The following TPD52L1 variants were observed in gnomAD, a reference collection of about 807,000 sequenced individuals.
The protein encoded by TPD52L1 is tumor protein D53.
TPD52L1 carries 18 observed loss-of-function variants against 28.7 expected under a neutral mutation model. That is an observed-to-expected ratio of 0.63 (90% CI 0.43 to 0.93). The LOEUF is 0.93. TPD52L1 is among the 40% of genes least tolerant of loss of function. The pLI is 0.00. For missense variants in TPD52L1, 203 were observed against 254.8 expected (o/e 0.80, Z 1.39); for synonymous variants, 75 against 88.8 (o/e 0.84, Z 0.88).
intron 1 of TPD52L1, among the ~76,000 whole-genome samples, chr6:125,160,121 T>A (rs757214818): frequency 6.6e-6 from 1 of 152,138 alleles, no homozygotes; most frequent in Non-Finnish European, 1.5e-5. Flanking sequence ...CTCTTTTTCT[T>A]TACAAATTTC....
chr6:125,177,349 T>C (rs3778464), intron 1 of TPD52L1, among the ~76,000 whole-genome samples: 18,543 of 152,184 alleles, frequency 0.12, 1,272 homozygotes, highest in East Asian at 0.36. Context: ...TCCTGATTTT[T>C]CCCCTGGAAG....
chr6:125,182,201 T>A (rs1001558134), intron 1 of TPD52L1, among the ~76,000 whole-genome samples: 1 of 152,204 alleles, frequency 6.6e-6, no homozygotes, highest in Non-Finnish European at 1.5e-5. Context: ...CTGGGCATCA[T>A]ACAAACCAAT....
intron 1 of TPD52L1, chr6:125,203,666 C>A (rs1582920111): frequency 1.0e-6 from 1 of 985,398 alleles, no homozygotes; most frequent in Non-Finnish European, 1.2e-6. Context: ...GGCCACATGA[C>A]CTCAGGTCAG....
chr6:125,234,812 A>C (rs1796157011), intron 3 of TPD52L1, among the ~76,000 whole-genome samples: 1 of 152,118 alleles, frequency 6.6e-6, no homozygotes, highest in Non-Finnish European at 1.5e-5. Flanking sequence ...GCAATACATC[A>C]TTGAGTGCCA....
At chr6:125,222,733 C>T (rs953792001) in intron 2 of TPD52L1, among the ~76,000 whole-genome samples, 2 of 152,196 alleles carry the variant, frequency 1.3e-5, no homozygotes, top group African/African-American at 4.8e-5. Context: ...ATAGACTAGC[C>T]TTTTCATTAC....
At chr6:125,213,909 G>T (rs909580929) in intron 1 of TPD52L1, among the ~76,000 whole-genome samples, 1 of 152,202 alleles carries the variant, frequency 6.6e-6, no homozygotes, top group South Asian at 2.1e-4. Flanking sequence ...AAAGCTTAGT[G>T]AATGGGCCAT....
chr6:125,256,577 A>G (rs1460740860), intron 5 of TPD52L1, among the ~76,000 whole-genome samples: 1 of 152,232 alleles, frequency 6.6e-6, no homozygotes, highest in East Asian at 1.9e-4. Flanking sequence ...TGGAAAAGAA[A>G]AAATATATGA....
intron 1 of TPD52L1, among the ~76,000 whole-genome samples, chr6:125,170,702 T>C (rs1381289860): frequency 6.6e-6 from 1 of 152,134 alleles, no homozygotes; most frequent in Non-Finnish European, 1.5e-5. Flanking sequence ...CCAATATCCA[T>C]GAAACTGGCA....
chr6:125,240,953 G>C (rs760713722), intron 3 of TPD52L1, among the ~76,000 whole-genome samples: 13 of 152,052 alleles, frequency 8.5e-5, no homozygotes, highest in Non-Finnish European at 1.6e-4. Flanking sequence ...TATGAAGCTG[G>C]CTGTGGGTTT....
At chr6:125,195,617 T>C (rs981006168) in intron 1 of TPD52L1, among the ~76,000 whole-genome samples, 1 of 152,220 alleles carries the variant, frequency 6.6e-6, no homozygotes, top group African/African-American at 2.4e-5. Flanking sequence ...TGCATTGTTG[T>C]CTTGGTCCAG....
At chr6:125,206,999 T>C (rs989048864) in intron 1 of TPD52L1, among the ~76,000 whole-genome samples, 1 of 152,192 alleles carries the variant, frequency 6.6e-6, no homozygotes, top group African/African-American at 2.4e-5. Flanking sequence ...TTAACTATTT[T>C]TTGCTATTGA....
chr6:125,172,119 T>TCC (rs1491245680), intron 1 of TPD52L1, among the ~76,000 whole-genome samples: 6 of 61,906 alleles, frequency 9.7e-5, no homozygotes, highest in South Asian at 1.1e-3. Context: ...TTTCTTTCTT[T>TCC]CTTTCTTTCT....
At chr6:125,248,766 T>G (rs1797073226) in intron 4 of TPD52L1, among the ~76,000 whole-genome samples, 1 of 152,226 alleles carries the variant, frequency 6.6e-6, no homozygotes, top group Non-Finnish European at 1.5e-5. Context: ...ATTGCATATT[T>G]GTATACATCC....
intron 3 of TPD52L1, among the ~76,000 whole-genome samples, chr6:125,233,678 T>C (rs1200086489): frequency 6.6e-6 from 1 of 152,244 alleles, no homozygotes; most frequent in African/African-American, 2.4e-5. Context: ...AGGAACACTT[T>C]CTTTTAAATC....
Position 125,220,803 on chromosome 6 carries a change from T to C in TPD52L1, c.135+610T>C, listed in dbSNP as rs7748183. 5.3e-4 allele frequency among the ~76,000 whole-genome samples: 80 copies of C among 152,276 alleles called. 1 individual carries two copies. Among genetic ancestry groups the C allele is most frequent in the African/African-American group, 1.8e-3 (74 of 41,570 alleles). ...CAGGCTCATTATGAATACACATCTT[T>C]GTTCAAGTCTTTTGCTTGCAATACC... On this transcript the variant is annotated intron_variant, in intron 2 of 6. Transcript: ENST00000534000.
At chr6:125,160,405 G>A (rs963981007) in intron 1 of TPD52L1, among the ~76,000 whole-genome samples, 1 of 152,054 alleles carries the variant, frequency 6.6e-6, no homozygotes, top group Non-Finnish European at 1.5e-5. Context: ...GGTTGCCTAG[G>A]CTGAAGTACA....
Position 125,229,135 on chromosome 6 carries a change from A to C in TPD52L1, c.153A>C (p.Thr51=). 1 of 1,612,914 alleles carries C rather than the reference A, an allele frequency of 6.2e-7. No homozygotes were observed. The highest frequency in any genetic ancestry group is 1.1e-5 in the South Asian group (1 of 90,802). The part of the protein sequence containing the change: ...AELVQLEDEI[T]TLRQVLSAKE... ...CCTTGTAGCTAGAAGACGAAATTACAACACTACGACAAGTTTTGTCAGCGA... is the reference window on the plus strand; with the variant it reads ...CCTTGTAGCTAGAAGACGAAATTACCACACTACGACAAGTTTTGTCAGCGA... The change falls in exon 3 of 7, where the codon ACA becomes ACC. Residue 51 remains threonine, a synonymous_variant. Coordinates refer to ENST00000534000, the MANE Select transcript of TPD52L1 (RefSeq NM_003287.4).
intron 4 of TPD52L1, chr6:125,251,937 GACC>G: frequency 7.0e-7 from 1 of 1,419,138 alleles, no homozygotes; most frequent in Admixed American, 2.0e-5. Flanking sequence ...CTTGAAAGGG[GACC>G]ACCAAGGGCA....
intron 3 of TPD52L1, among the ~76,000 whole-genome samples, chr6:125,229,769 A>C (rs1562334439): frequency 6.6e-6 from 1 of 152,178 alleles, no homozygotes; most frequent in Non-Finnish European, 1.5e-5. Context: ...ATTCTAGGGA[A>C]TATTTAGAGC....
Sources: gnomAD v4.1 joint callset for allele counts (sites outside exome capture counted in the v4.1 genomes callset) on GRCh38, gnomAD v4.1.1 for gene constraint, MANE v1.5 for transcripts, NCBI Gene and HGNC (gene_info 2026-07-23, HGNC 2026-07-21) for gene names.